The following INTS9 variants were observed in gnomAD, a reference collection of about 807,000 sequenced individuals.
INTS9 encodes the protein integrator complex subunit 9.
Under a neutral mutation model 79.7 loss-of-function variants are expected in INTS9, and 55 were observed. The ratio of observed to expected loss-of-function variants is 0.69; its 90% CI spans 0.56 to 0.86. INTS9 has a LOEUF of 0.86. Among genes scored for constraint, INTS9 ranks in the 40% least tolerant of loss-of-function variants. The pLI is 0.00. For missense variants in INTS9, 721 were observed against 831.5 expected (o/e 0.87, Z 1.64); for synonymous variants, 319 against 325.2 (o/e 0.98, Z 0.20).
chr8:28,800,492 C>A (rs1804459033), intron 8 of INTS9, among the ~76,000 whole-genome samples: 1 of 152,200 alleles, frequency 6.6e-6, no homozygotes, highest in Non-Finnish European at 1.5e-5. Flanking sequence ...AGCCAACAGT[C>A]TGAAGCAGCA....
intron 2 of INTS9, among the ~76,000 whole-genome samples, chr8:28,858,506 G>A (rs1036499155): frequency 5.3e-5 from 8 of 152,220 alleles, no homozygotes; most frequent in Non-Finnish European, 1.2e-4. Context: ...GGTGGCACAT[G>A]TATTTCTAAA....
In INTS9 at chr8:28,859,398, T is replaced by C. The variant is rs776542743; in HGVS notation, c.137+38A>G. The stretch of plus-strand genomic sequence containing the variant: ...CTAATGGTACCATTTTTCAGCAAAC[T>C]TAAAGCTCATTTTGTCTTTGGCTGC... On this transcript the variant is annotated intron_variant, in intron 2 of 16. Transcript: ENST00000521022. 3 of 1,608,804 alleles carry C rather than the reference T, an allele frequency of 1.9e-6. No individual in the cohort carries two copies. The South Asian group carries it at 3.3e-5, about 18-fold the overall frequency.
intron 2 of INTS9, among the ~76,000 whole-genome samples, chr8:28,856,668 G>A (rs955351808): frequency 6.6e-6 from 1 of 152,186 alleles, no homozygotes; most frequent in South Asian, 2.1e-4. Flanking sequence ...ATACACATTT[G>A]TAAGTTGCTG....
intron 1 of INTS9, among the ~76,000 whole-genome samples, chr8:28,870,307 T>G (rs1414057424): frequency 7.4e-6 from 1 of 135,374 alleles, no homozygotes; most frequent in African/African-American, 2.7e-5. Context: ...CTACTTCTTT[T>G]AAACATTAAC....
chr8:28,880,396 T>C (rs976069641), intron 1 of INTS9, among the ~76,000 whole-genome samples: 2 of 151,980 alleles, frequency 1.3e-5, no homozygotes, highest in Non-Finnish European at 2.9e-5. Flanking sequence ...GTGCCTGCGA[T>C]TGCAGGCGCG....
intron 14 of INTS9, among the ~76,000 whole-genome samples, chr8:28,773,767 C>T (rs1224377420): frequency 6.6e-6 from 1 of 151,716 alleles, no homozygotes; most frequent in Non-Finnish European, 1.5e-5. Context: ...AGTGATTCAC[C>T]CCCGCCTCAG....
chr8:28,773,019 G>A (rs181337587), intron 14 of INTS9, among the ~76,000 whole-genome samples: 16 of 152,274 alleles, frequency 1.1e-4, no homozygotes, highest in African/African-American at 2.4e-4. Flanking sequence ...ATATAGCCTC[G>A]AGCCAGAAAG....
In INTS9 at chr8:28,770,031, A is replaced by G. The variant is rs980998117; in HGVS notation, c.1663-5T>C. 9.3e-6 allele frequency: 15 copies of G among 1,613,290 alleles called. No individual in the cohort carries two copies. The highest frequency in any genetic ancestry group is 4.0e-5 in the African/African-American group (3 of 74,912). ...CTGGGCGGGCCGAGGAGGGGGCTAG[A>G]GCAGAAGGAAAGAGTGGCTTTCATG... is the stretch of plus-strand genomic sequence containing the variant. On this transcript the variant is annotated splice_polypyrimidine_tract_variant and splice_region_variant and intron_variant, in intron 15 of 16. Coordinates refer to ENST00000521022, the MANE Select transcript of INTS9 (RefSeq NM_018250.4).
chr8:28,773,197 C>T (rs911081273), intron 14 of INTS9, among the ~76,000 whole-genome samples: 20 of 152,190 alleles, frequency 1.3e-4, no homozygotes, highest in Admixed American at 1.3e-3. Flanking sequence ...GGCGCAGTGG[C>T]TCACGCCTGT....
intron 6 of INTS9, among the ~76,000 whole-genome samples, chr8:28,833,336 A>G (rs914035196): frequency 6.6e-6 from 1 of 151,922 alleles, no homozygotes; most frequent in African/African-American, 2.4e-5. Context: ...AAATTATAAG[A>G]CTATGCCGGG....
intron 1 of INTS9, among the ~76,000 whole-genome samples, chr8:28,860,228 G>T (rs576539184): frequency 4.6e-5 from 7 of 152,330 alleles, no homozygotes; most frequent in Admixed American, 3.3e-4. Flanking sequence ...CTTCAAAGGA[G>T]AGTGAACACA....
intron 2 of INTS9, among the ~76,000 whole-genome samples, chr8:28,854,442 C>T (rs1025366923): frequency 1.3e-5 from 2 of 151,762 alleles, no homozygotes; most frequent in Non-Finnish European, 2.9e-5. Context: ...TGACAGTTTG[C>T]AGTGAGGTGG....
intron 1 of INTS9, among the ~76,000 whole-genome samples, chr8:28,864,983 C>T (rs1808657397): frequency 8.0e-6 from 1 of 125,152 alleles, no homozygotes; most frequent in South Asian, 2.5e-4. Flanking sequence ...GAGACACCGT[C>T]TCAAAAAAAA....
chr8:28,889,599 G>C (rs1810484541), intron 1 of INTS9, among the ~76,000 whole-genome samples: 1 of 152,144 alleles, frequency 6.6e-6, no homozygotes. Context: ...AGAGCCCACA[G>C]AGTTCATGGG....
chr8:28,772,797 A>C (rs1473629053), intron 14 of INTS9, among the ~76,000 whole-genome samples: 4 of 147,398 alleles, frequency 2.7e-5, no homozygotes, highest in African/African-American at 1.0e-4. Context: ...ACACAGCGAG[A>C]CTCCGTCTCA....
At chr8:28,828,156 C>T (rs1806262290) in intron 6 of INTS9, among the ~76,000 whole-genome samples, 1 of 152,196 alleles carries the variant, frequency 6.6e-6, no homozygotes, top group Admixed American at 6.5e-5. Context: ...TAATTTAATT[C>T]TTATTTTACA....
At chr8:28,780,674 G>C (rs949183559) in intron 12 of INTS9, 149 bp downstream of exon 12, 1 of 1,436,044 alleles carries the variant, frequency 7.0e-7, no homozygotes, top group African/African-American at 1.4e-5. Context: ...CTTTCTCTGC[G>C]GTTTCTTCAT....
intron 9 of INTS9, among the ~76,000 whole-genome samples, chr8:28,794,730 C>T (rs241172): frequency 0.78 from 118,813 of 152,144 alleles, 46,562 homozygotes; most frequent in Non-Finnish European, 0.8. Context: ...TGCCAGAGAA[C>T]ATGTTGAAAA....
intron 1 of INTS9, among the ~76,000 whole-genome samples, chr8:28,881,445 G>A (rs1224634838): frequency 7.0e-5 from 9 of 128,064 alleles, no homozygotes; most frequent in Non-Finnish European, 1.2e-4. Context: ...TCAGCCCCCC[G>A]CCCGGCCAGC....
Sources: allele counts gnomAD v4.1 joint callset (sites outside exome capture counted in the v4.1 genomes callset), GRCh38; gene constraint gnomAD v4.1.1; transcripts MANE v1.5; gene names NCBI Gene and HGNC (gene_info 2026-07-23, HGNC 2026-07-21).